The following FAM20C variants were observed in gnomAD, a reference collection of about 807,000 sequenced individuals.
FAM20C encodes the protein extracellular serine/threonine protein kinase FAM20C.
A neutral mutation model predicts 51.5 loss-of-function variants in FAM20C; 40 were observed. The ratio of observed to expected loss-of-function variants is 0.78; its 90% CI spans 0.60 to 1.01. FAM20C has a LOEUF of 1.01. FAM20C is among the 50% of genes least tolerant of loss of function. The probability of loss-of-function intolerance (pLI) is 0.00; values close to 1 mark genes in which losing one functional copy is unlikely to be tolerated. For synonymous variants in FAM20C, 406 were observed against 380.6 expected, an observed-to-expected ratio of 1.07 and a Z score of -0.78; for missense variants, 861 against 844.7, an observed-to-expected ratio of 1.02 and a Z score of -0.24.
intron 2 of FAM20C, among the ~76,000 whole-genome samples, chr7:202,798 G>C (rs569768862): frequency 4.9e-4 from 74 of 152,252 alleles, no homozygotes; most frequent in Non-Finnish European, 1.2e-4. Flanking sequence ...TGCTGGGTGG[G>C]ATTGCACTGG....
At position 259,852 on chromosome 7, in the gene FAM20C, C is replaced by T. The variant is rs1319653179; in HGVS notation, c.1627C>T (p.Leu543=). 1.3e-6 allele frequency: 2 copies of T among 1,536,354 alleles called. No individual in the cohort carries two copies. The highest frequency in any genetic ancestry group is 1.7e-6 in the Non-Finnish European group (2 of 1,146,836). The change falls in exon 10 of 10, where the codon CTG becomes TTG. Residue 543 remains leucine (L), a synonymous_variant. Transcript: ENST00000313766. ...QVAPVLYQPH[L]EALDRRLRVV... is the part of the protein sequence containing the mutation. ...GGCACCCGTGCTGTACCAGCCGCAC[C>T]TGGAGGCCCTGGACCGGCGGCTCCG...
In FAM20C at chr7:193,317, C is replaced by T; in HGVS notation, c.118C>T (p.Pro40Ser). Reference sequence around the variant, plus strand: ...CAGGCTGGAGCGACGCGGCGCGCGGCCCTCGGGGGAGCCCGGCTGTTCGTG... The same window carrying T: ...CAGGCTGGAGCGACGCGGCGCGCGGTCCTCGGGGGAGCCCGGCTGTTCGTG... Reference protein sequence around the residue: ...LPRLERRGARPSGEPGCSCAQ... With the variant: ...LPRLERRGARSSGEPGCSCAQ... The change falls in exon 1 of 10, where the codon CCC (proline) becomes TCC (serine). Residue 40 changes from proline to serine, a missense_variant. Coordinates refer to ENST00000313766, the MANE Select transcript of FAM20C (RefSeq NM_020223.4). 1.4e-6 allele frequency: 2 copies of T among 1,390,540 alleles called. No homozygotes were observed. The highest frequency in any genetic ancestry group is 1.5e-5 in the African/African-American group (1 of 65,910). The allele number at this position is 1,390,540 out of a possible 1,614,324, so 86.1% of individuals were successfully genotyped here. A position where few individuals can be genotyped will look rare whatever the true frequency, so the allele number is the denominator to read the frequency against.
At position 258,681 on chromosome 7, in the gene FAM20C, T is replaced by C. The variant is rs1788745925; in HGVS notation, c.1481T>C (p.Leu494Pro). Residue 494 changes from leucine to proline, a missense_variant, in exon 9 of 10, where the codon CTG (leucine) becomes CCG (proline). Coordinates refer to ENST00000313766, the MANE Select transcript of FAM20C (RefSeq NM_020223.4). ...GKYSHDELSILVPLQQCCRIR... is the reference protein window; with the variant it reads ...GKYSHDELSIPVPLQQCCRIR... Reference sequence around the variant, plus strand: ...TATTCGCACGACGAGCTCTCCATCCTGGTGCCGCTACAGCAGTGCTGCAGG... The same window carrying C: ...TATTCGCACGACGAGCTCTCCATCCCGGTGCCGCTACAGCAGTGCTGCAGG... 1 of 1,536,538 alleles carries C rather than the reference T, an allele frequency of 6.5e-7. No homozygotes were observed. Among genetic ancestry groups the C allele is most frequent in the Non-Finnish European group, 8.7e-7 (1 of 1,146,504 alleles).
In FAM20C at chr7:258,680, C is replaced by T; in HGVS notation, c.1480C>T (p.Leu494=). The change falls in exon 9 of 10, where the codon CTG becomes TTG. Residue 494 remains leucine (L), a synonymous_variant. Coordinates refer to ENST00000313766, the MANE Select transcript of FAM20C (RefSeq NM_020223.4). ...GKYSHDELSI[L]VPLQQCCRIR... is the part of the protein sequence containing the mutation. ...GTATTCGCACGACGAGCTCTCCATC[C>T]TGGTGCCGCTACAGCAGTGCTGCAG... The T allele has an allele frequency of 6.5e-7, 1 of 1,536,670 alleles. No individual in the cohort carries two copies. Among genetic ancestry groups the T allele is most frequent in the Non-Finnish European group, 8.7e-7 (1 of 1,146,502 alleles).
rs1166111530 is a variant in FAM20C, at chr7:243,067, GGAGACCTGTGCCACCCAA to G, written c.864-3331_864-3314del. Reference sequence around the variant, plus strand: ...CCACCCAGGAGACCTGTGCCACCCGGGAGACCTGTGCCACCCAAGAGACCTGTGCCACCCGGGAGACCT... The same window carrying G: ...CCACCCAGGAGACCTGTGCCACCCGGGAGACCTGTGCCACCCGGGAGACCT... On this transcript the variant is annotated intron_variant, in intron 3 of 9. Transcript: ENST00000313766. Among the ~76,000 whole-genome samples the G allele has an allele frequency of 8.3e-3, 1,167 of 139,986 alleles. 16 individuals carry two copies. The highest frequency in any genetic ancestry group is 0.011 in the African/African-American group (410 of 36,440). 91.8% of individuals were successfully genotyped at this position (139,986 alleles called of 152,430 possible). A position where few individuals can be genotyped will look rare whatever the true frequency, so the allele number is the denominator to read the frequency against.
intron 2 of FAM20C, among the ~76,000 whole-genome samples, chr7:197,816 A>G (rs553739214): frequency 2.6e-5 from 4 of 152,320 alleles, no homozygotes; most frequent in African/African-American, 9.6e-5. Context: ...GAGCAGCTTC[A>G]GGGAGAGTGT....
chr7:205,361 C>T (rs1786326898), intron 2 of FAM20C, among the ~76,000 whole-genome samples: 1 of 150,850 alleles, frequency 6.6e-6, no homozygotes, highest in South Asian at 2.1e-4. Context: ...CGACGTCAGC[C>T]TCTGAGTAGC....
chr7:211,532 G>T (rs1280221237), intron 3 of FAM20C, among the ~76,000 whole-genome samples: 2 of 151,984 alleles, frequency 1.3e-5, no homozygotes, highest in Non-Finnish European at 2.9e-5. Flanking sequence ...CCATGGTCCT[G>T]CAGCGGGCAG....
At chr7:222,944 A>T (rs1394509935) in intron 3 of FAM20C, among the ~76,000 whole-genome samples, 1 of 151,410 alleles carries the variant, frequency 6.6e-6, no homozygotes, top group East Asian at 1.9e-4. Flanking sequence ...ACACGTGTGC[A>T]TGTGTGTGTG....
At chr7:245,468 G>A (rs373192524) in intron 3 of FAM20C, among the ~76,000 whole-genome samples, 2 of 151,840 alleles carry the variant, frequency 1.3e-5, no homozygotes, top group Non-Finnish European at 1.5e-5. Context: ...TGGGTTGGAG[G>A]CTGAGTTCCC....
chr7:257,702 C>G (rs986941623), intron 8 of FAM20C, among the ~76,000 whole-genome samples: 1 of 152,196 alleles, frequency 6.6e-6, no homozygotes, highest in Non-Finnish European at 1.5e-5. Flanking sequence ...GAGGCCAGGA[C>G]CCCACATACA....
chr7:206,719 T>C (rs1176430407), intron 2 of FAM20C, among the ~76,000 whole-genome samples: 60 of 125,566 alleles, frequency 4.8e-4, no homozygotes, highest in East Asian at 7.2e-4. Context: ...GCGTCTGTCA[T>C]GGTCCCCTCG....
At chr7:222,908 G>C (rs1049834676) in intron 3 of FAM20C, among the ~76,000 whole-genome samples, 1 of 152,064 alleles carries the variant, frequency 6.6e-6, no homozygotes, top group Non-Finnish European at 1.5e-5. Context: ...ACGTGTGTAA[G>C]GGTGTGCATG....
chr7:208,700 C>T (rs1189549127), intron 2 of FAM20C, among the ~76,000 whole-genome samples, 198 bp from the exon 3 acceptor site: 1 of 152,156 alleles, frequency 6.6e-6, no homozygotes, highest in Non-Finnish European at 1.5e-5. Flanking sequence ...TACCCCAGTA[C>T]TCAACCCTGA....
chr7:205,789 T>G (rs1786351915), intron 2 of FAM20C, among the ~76,000 whole-genome samples: 1 of 151,970 alleles, frequency 6.6e-6, no homozygotes, highest in Admixed American at 6.6e-5. Context: ...CTCCTGGCCT[T>G]CCTGGAGGAT....
chr7:204,749 C>T (rs1786272960), intron 2 of FAM20C, among the ~76,000 whole-genome samples: 1 of 152,204 alleles, frequency 6.6e-6, no homozygotes, highest in African/African-American at 2.4e-5. Context: ...ATGGTGAGTC[C>T]CCACATTGCC....
intron 3 of FAM20C, among the ~76,000 whole-genome samples, 151 bp downstream of exon 3, chr7:209,127 C>T (rs927954678): frequency 1.3e-5 from 2 of 152,280 alleles, no homozygotes; most frequent in African/African-American, 4.8e-5. Flanking sequence ...TCATGGCAAA[C>T]GAGCAACAGA....
At chr7:229,542 C>A (rs1386324083) in intron 3 of FAM20C, 2 of 152,460 alleles carry the variant, frequency 1.3e-5, no homozygotes, top group Admixed American at 1.3e-4. Flanking sequence ...GGTGGCACAT[C>A]GTGAGAATGA....
chr7:258,217 G>A lies in FAM20C; in HGVS notation c.1446-429G>A, dbSNP rs866182914. 7.1e-4 allele frequency among the ~76,000 whole-genome samples: 96 copies of A among 134,802 alleles called. 2 individuals carry two copies. The highest frequency in any genetic ancestry group is 9.1e-4 in the Non-Finnish European group (60 of 65,956). 88.4% of individuals were successfully genotyped at this position (134,802 alleles called of 152,430 possible). Reference sequence around the variant, plus strand: ...ATAGGCAGGGTGGACCCACTGACTGGGGTGCTGGAGATGGGTGGGGTGGAC... The same window carrying A: ...ATAGGCAGGGTGGACCCACTGACTGAGGTGCTGGAGATGGGTGGGGTGGAC... On this transcript the variant is annotated intron_variant, in intron 8 of 9. Transcript: ENST00000313766.
Sources: allele counts gnomAD v4.1 joint callset (sites outside exome capture counted in the v4.1 genomes callset), GRCh38; gene constraint gnomAD v4.1.1; transcripts MANE v1.5; gene names NCBI Gene and HGNC (gene_info 2026-07-23, HGNC 2026-07-21).